The following DIAPH3 variants were observed in gnomAD, a reference collection of about 807,000 sequenced individuals.
DIAPH3 encodes protein diaphanous homolog 3.
A neutral mutation model predicts 144.3 loss-of-function variants in DIAPH3; 117 were observed. The ratio of observed to expected loss-of-function variants is 0.81; its 90% CI spans 0.70 to 0.95. The LOEUF is 0.95. Ranked by LOEUF, DIAPH3 falls within the 40% of genes least tolerant of loss-of-function variation. The pLI, the probability that DIAPH3 is intolerant of heterozygous loss-of-function variation, is 0.00. For synonymous variants in DIAPH3, 519 were observed against 488.9 expected, an observed-to-expected ratio of 1.06 and a Z score of -0.81; for missense variants, 1,421 against 1,412.7, an observed-to-expected ratio of 1.01 and a Z score of -0.09.
At chr13:59,866,702 T>C (rs1022427625) in intron 21 of DIAPH3, among the ~76,000 whole-genome samples, 1 of 152,114 alleles carries the variant, frequency 6.6e-6, no homozygotes, top group Non-Finnish European at 1.5e-5. Context: ...AAGAAAAAGG[T>C]ATCTATAAAG....
At chr13:60,121,582 G>A (rs1373305735) in intron 2 of DIAPH3, among the ~76,000 whole-genome samples, 1 of 152,104 alleles carries the variant, frequency 6.6e-6, no homozygotes, top group Non-Finnish European at 1.5e-5. Context: ...GAAGCCACCA[G>A]GAAAATAAAG....
chr13:59,820,736 A>G (rs1196799853), intron 24 of DIAPH3, among the ~76,000 whole-genome samples: 1 of 151,318 alleles, frequency 6.6e-6, no homozygotes, highest in Non-Finnish European at 1.5e-5. Context: ...TAATAAAACA[A>G]AATATAAAAA....
At chr13:59,998,956 AAATT>A (rs1405067178) in intron 9 of DIAPH3, among the ~76,000 whole-genome samples, 2 of 152,110 alleles carry the variant, frequency 1.3e-5, no homozygotes, top group African/African-American at 2.4e-5. Flanking sequence ...TTAAAATAGA[AAATT>A]AATTAATAAT....
intron 24 of DIAPH3, among the ~76,000 whole-genome samples, chr13:59,812,881 A>C (rs2040561560): frequency 6.6e-6 from 1 of 152,192 alleles, no homozygotes; most frequent in Non-Finnish European, 1.5e-5. Flanking sequence ...AGAACCAACC[A>C]AGCACCTTTG....
chr13:60,036,886 T>A (rs1014220839), intron 5 of DIAPH3, among the ~76,000 whole-genome samples: 6 of 151,656 alleles, frequency 4.0e-5, no homozygotes, highest in African/African-American at 7.3e-5. Context: ...ATATACAAAA[T>A]TAGAGGGGAA....
intron 17 of DIAPH3, among the ~76,000 whole-genome samples, chr13:59,953,421 C>G (rs1368783846): frequency 6.6e-6 from 1 of 152,148 alleles, no homozygotes; most frequent in Non-Finnish European, 1.5e-5. Flanking sequence ...AGAAAGAGAA[C>G]TACATGGAAT....
intron 2 of DIAPH3, among the ~76,000 whole-genome samples, chr13:60,121,230 A>G (rs1044746777): frequency 1.3e-5 from 2 of 151,970 alleles, no homozygotes; most frequent in African/African-American, 4.8e-5. Flanking sequence ...TGGCATGCTG[A>G]TAGGTTTTTT....
intron 27 of DIAPH3, among the ~76,000 whole-genome samples, chr13:59,676,098 T>C (rs984372348): frequency 6.6e-6 from 1 of 152,256 alleles, no homozygotes; most frequent in Non-Finnish European, 1.5e-5. Flanking sequence ...ACTTATGCTA[T>C]TTCTGTTTCA....
chr13:59,693,231 G>C (rs1288878961), intron 27 of DIAPH3, among the ~76,000 whole-genome samples: 1 of 152,142 alleles, frequency 6.6e-6, no homozygotes, highest in East Asian at 1.9e-4. Context: ...GGACTGAGAC[G>C]GAAGAGGTAG....
intron 3 of DIAPH3, among the ~76,000 whole-genome samples, chr13:60,100,443 G>A (rs1243971456): frequency 2.0e-5 from 3 of 152,100 alleles, no homozygotes. Flanking sequence ...ACAAATAAAT[G>A]CAAGATGTGA....
chr13:59,938,761 G>A (rs1339582888), intron 17 of DIAPH3, among the ~76,000 whole-genome samples: 2 of 152,152 alleles, frequency 1.3e-5, no homozygotes, highest in Non-Finnish European at 2.9e-5. Context: ...ATTTTATATT[G>A]TGATTAGAAA....
At position 60,008,443 on chromosome 13, in the gene DIAPH3, T is replaced by C. The variant is rs1011646980; in HGVS notation, c.1014+101A>G. The C allele has an allele frequency of 9.5e-6, 7 of 740,008 alleles. No homozygotes were observed. In the African/African-American group the frequency reaches 1.3e-4, roughly 13 times the overall value. 45.8% of individuals were successfully genotyped at this position (740,008 alleles called of 1,614,324 possible). On this transcript the variant is annotated intron_variant, in intron 9 of 27. Coordinates refer to ENST00000400324, the MANE Select transcript of DIAPH3 (RefSeq NM_001042517.2). ...TGCTATAAAAGAATATTAAAAGGCA[T>C]GCAGAGCTTCATAACAATGTTTTCA...
chr13:59,889,367 C>T (rs1490846871), intron 20 of DIAPH3, among the ~76,000 whole-genome samples: 1 of 152,032 alleles, frequency 6.6e-6, no homozygotes, highest in African/African-American at 2.4e-5. Flanking sequence ...TCACTGACTC[C>T]TCTGCCATCT....
intron 3 of DIAPH3, among the ~76,000 whole-genome samples, chr13:60,099,910 A>G: frequency 3.1e-5 from 1 of 32,710 alleles, no homozygotes; most frequent in South Asian, 1.8e-3. Context: ...AAGTAAGAGA[A>G]GGAAGGAAGG....
At chr13:60,148,757 T>A (rs1403618988) in intron 1 of DIAPH3, among the ~76,000 whole-genome samples, 1 of 152,186 alleles carries the variant, frequency 6.6e-6, no homozygotes, top group Admixed American at 6.5e-5. Flanking sequence ...GGTTTGGCAG[T>A]TGATCTGCCT....
intron 17 of DIAPH3, among the ~76,000 whole-genome samples, chr13:59,938,996 T>A (rs1028852994): frequency 2.0e-5 from 3 of 152,046 alleles, no homozygotes; most frequent in African/African-American, 7.2e-5. Context: ...TAGAAAAAAA[T>A]TTCTTTATGA....
chr13:60,148,763 T>C (rs1189348016), intron 1 of DIAPH3, among the ~76,000 whole-genome samples: 1 of 152,196 alleles, frequency 6.6e-6, no homozygotes, highest in South Asian at 2.1e-4. Flanking sequence ...GCAGTTGATC[T>C]GCCTGGGCAA....
chr13:60,163,231 A>G (rs1217805483), intron 1 of DIAPH3, among the ~76,000 whole-genome samples: 7 of 152,080 alleles, frequency 4.6e-5, no homozygotes, highest in South Asian at 2.1e-4. Context: ...TAATAAGCAG[A>G]AAAAAAACCT....
intron 4 of DIAPH3, among the ~76,000 whole-genome samples, chr13:60,093,037 C>G (rs972043440): frequency 6.6e-6 from 1 of 152,176 alleles, no homozygotes; most frequent in Non-Finnish European, 1.5e-5. Context: ...ACTAGTCAAG[C>G]TCATTTGTTT....
Sources: allele counts gnomAD v4.1 joint callset (sites outside exome capture counted in the v4.1 genomes callset), GRCh38; gene constraint gnomAD v4.1.1; transcripts MANE v1.5; gene names NCBI Gene and HGNC (gene_info 2026-07-23, HGNC 2026-07-21).